Variants in C1QTNF7 observed in about 807,000 individuals in gnomAD.
C1QTNF7 encodes complement C1q tumor necrosis factor-related protein 7.
A neutral mutation model predicts 19.6 loss-of-function variants in C1QTNF7; 15 were observed. That is an observed-to-expected ratio of 0.76 (90% CI 0.51 to 1.18). C1QTNF7 has a LOEUF of 1.18. C1QTNF7 is among the 50% of genes most tolerant of loss of function. The pLI is 0.00. For synonymous variants in C1QTNF7, 142 were observed against 137.5 expected (o/e 1.03, Z -0.23); for missense variants, 324 against 359.7 (o/e 0.90, Z 0.80).
At chr4:15,442,029 A>G in intron 2 of C1QTNF7, 139 bp from the exon 3 acceptor site, 1 of 855,166 alleles carries the variant, frequency 1.2e-6, no homozygotes, top group East Asian at 2.8e-5. Context: ...TCAAAAAAAA[A>G]AAAGTTTATT....
intron 1 of C1QTNF7, among the ~76,000 whole-genome samples, chr4:15,350,746 A>T (rs1302044949): frequency 6.6e-6 from 1 of 152,238 alleles, no homozygotes; most frequent in African/African-American, 2.4e-5. Flanking sequence ...TTGTCCAAGC[A>T]GATGAAACCT....
At chr4:15,394,182 A>G (rs1718691800) in intron 1 of C1QTNF7, among the ~76,000 whole-genome samples, 1 of 152,250 alleles carries the variant, frequency 6.6e-6, no homozygotes, top group South Asian at 2.1e-4. Flanking sequence ...GGAACACTTG[A>G]GGAAAGTACG....
chr4:15,441,837 T>C (rs1181604398), intron 2 of C1QTNF7, among the ~76,000 whole-genome samples: 1 of 152,032 alleles, frequency 6.6e-6, no homozygotes, highest in East Asian at 1.9e-4. Flanking sequence ...CTGGCCAACA[T>C]GGTGAAACCC....
intron 1 of C1QTNF7, among the ~76,000 whole-genome samples, chr4:15,345,653 A>G (rs1716690167): frequency 6.6e-6 from 1 of 152,224 alleles, no homozygotes; most frequent in Admixed American, 6.5e-5. Flanking sequence ...CAACACATAA[A>G]TTAATATTTA....
At chr4:15,429,829 AT>A (rs1328370070) in intron 1 of C1QTNF7, among the ~76,000 whole-genome samples, 1 of 152,144 alleles carries the variant, frequency 6.6e-6, no homozygotes, top group Non-Finnish European at 1.5e-5. Flanking sequence ...ATTCTCTTTA[AT>A]TTTTTTGAGG....
intron 1 of C1QTNF7, among the ~76,000 whole-genome samples, chr4:15,401,609 C>A (rs1719000223): frequency 6.6e-6 from 1 of 152,092 alleles, no homozygotes; most frequent in Admixed American, 6.5e-5. Flanking sequence ...CATAAATGAT[C>A]CACCACCAGA....
upstream of C1QTNF7, among the ~76,000 whole-genome samples, chr4:15,424,159 A>T (rs1711929638): frequency 6.6e-6 from 1 of 151,860 alleles, no homozygotes. Context: ...GTCAATTGTG[A>T]CTCATTTTCA....
chr4:15,405,154 T>G (rs917552995), intron 1 of C1QTNF7, among the ~76,000 whole-genome samples: 1 of 152,224 alleles, frequency 6.6e-6, no homozygotes, highest in Non-Finnish European at 1.5e-5. Flanking sequence ...GTTCAGCTGC[T>G]CATTAAAGAC....
chr4:15,412,617 T>C (rs1183175575), intron 1 of C1QTNF7, among the ~76,000 whole-genome samples: 1 of 152,206 alleles, frequency 6.6e-6, no homozygotes, highest in Non-Finnish European at 1.5e-5. Flanking sequence ...AGACTCTTCA[T>C]TTAATCACAT....
At position 15,421,879 on chromosome 4, in the gene C1QTNF7, T is replaced by C. The variant is rs79634383; in HGVS notation, c.14-13857T>C. 2.8e-3 allele frequency among the ~76,000 whole-genome samples: 425 copies of C among 152,282 alleles called. 1 individual carries two copies. The highest frequency in any genetic ancestry group is 9.9e-3 in the African/African-American group (410 of 41,552). On this transcript the variant is annotated intron_variant, in intron 1 of 2. Transcript: ENST00000295297. The stretch of plus-strand genomic sequence containing the variant: ...ATACTATTCAGCAATGAAAGAAACA[T>C]GCAACATGAATGACTCTCAAAAACA...
intron 1 of C1QTNF7, among the ~76,000 whole-genome samples, chr4:15,417,017 T>G (rs931756157): frequency 6.6e-6 from 1 of 152,236 alleles, no homozygotes; most frequent in Non-Finnish European, 1.5e-5. Flanking sequence ...TTCCTCCAGA[T>G]CTTTTATGTT....
chr4:15,382,983 G>T (rs1718203659), intron 1 of C1QTNF7, among the ~76,000 whole-genome samples: 1 of 152,144 alleles, frequency 6.6e-6, no homozygotes. Flanking sequence ...AAAAATCCCT[G>T]CCCTCTTACA....
intron 1 of C1QTNF7, among the ~76,000 whole-genome samples, chr4:15,373,055 T>G (rs1717790434): frequency 1.3e-5 from 2 of 152,178 alleles, no homozygotes; most frequent in Admixed American, 1.3e-4. Context: ...TCTCAGCCCA[T>G]TAGTACTGCT....
intron 2 of C1QTNF7, among the ~76,000 whole-genome samples, chr4:15,439,960 TATAC>T (rs1712684297): frequency 6.6e-6 from 1 of 151,644 alleles, no homozygotes; most frequent in African/African-American, 2.4e-5. Flanking sequence ...GTGAATGTCA[TATAC>T]AAAATCAATG....
In C1QTNF7 at chr4:15,410,530, C is replaced by T. The variant is rs867917798; in HGVS notation, c.14-25206C>T. 3.3e-5 allele frequency among the ~76,000 whole-genome samples: 5 copies of T among 152,158 alleles called. No individual in the cohort carries two copies. In the South Asian group the frequency reaches 1.0e-3, roughly 31 times the overall value. Reference sequence around the variant, plus strand: ...ATAATATTCCACTAAGTGACTAACCCACAATATATTTAACAACTCTACTAT... The same window carrying T: ...ATAATATTCCACTAAGTGACTAACCTACAATATATTTAACAACTCTACTAT... On this transcript the variant is annotated intron_variant, in intron 1 of 2. Transcript: ENST00000295297.
intron 1 of C1QTNF7, among the ~76,000 whole-genome samples, chr4:15,396,867 G>C (rs967825902): frequency 6.6e-6 from 1 of 152,118 alleles, no homozygotes; most frequent in Non-Finnish European, 1.5e-5. Context: ...GGCAACTCAG[G>C]GGGTGGCTGT....
intron 2 of C1QTNF7, among the ~76,000 whole-genome samples, chr4:15,441,931 G>C (rs1014366987): frequency 6.6e-6 from 1 of 151,960 alleles, no homozygotes; most frequent in African/African-American, 2.4e-5. Context: ...TGAGGCAGGA[G>C]AATTGCTTGA....
At chr4:15,367,231 TAG>T (rs1279131679) in intron 1 of C1QTNF7, among the ~76,000 whole-genome samples, 2 of 152,140 alleles carry the variant, frequency 1.3e-5, no homozygotes, top group African/African-American at 2.4e-5. Context: ...TTCGGGAAAA[TAG>T]AGTCTTCTAA....
At chr4:15,439,329 A>G (rs1026654442) in intron 2 of C1QTNF7, among the ~76,000 whole-genome samples, 8 of 152,370 alleles carry the variant, frequency 5.3e-5, no homozygotes, top group Non-Finnish European at 8.8e-5. Context: ...TTTTGTGGAC[A>G]GCATTGTAAA....
Sources: gnomAD v4.1 joint callset for allele counts (sites outside exome capture counted in the v4.1 genomes callset) on GRCh38, gnomAD v4.1.1 for gene constraint, MANE v1.5 for transcripts, NCBI Gene and HGNC (gene_info 2026-07-23, HGNC 2026-07-21) for gene names.